The following TTN variants were observed in gnomAD, a reference collection of about 807,000 sequenced individuals.
TTN encodes the protein connectin.
TTN carries 1,525 observed loss-of-function variants against 3,223.0 expected under a neutral mutation model. The ratio of observed to expected loss-of-function variants is 0.47; its 90% CI spans 0.45 to 0.49. The LOEUF is 0.49. Among genes scored for constraint, TTN ranks in the 20% least tolerant of loss-of-function variants. The pLI, the probability that TTN is intolerant of heterozygous loss-of-function variation, is 0.00. For missense variants in TTN, 40,786 were observed against 43,424.0 expected (o/e 0.94, Z 5.40); for synonymous variants, 14,094 against 15,161.0 (o/e 0.93, Z 5.17).
Position 178,794,541 on chromosome 2 carries a change from T to A in TTN, c.1256A>T (p.Asp419Val). ...VATGAKEVKQ[D>V]ADKSAAVATV... Reference sequence around the variant, plus strand: ...CGCAACAGCTGCACTTTTGTCAGCATCTTGTTTCACCTAGATTAGAAATGA... The same window carrying A: ...CGCAACAGCTGCACTTTTGTCAGCAACTTGTTTCACCTAGATTAGAAATGA... The change falls in exon 8 of 363, where the codon GAT becomes GTT. Residue 419 changes from aspartate to valine, a missense_variant. Coordinates refer to ENST00000589042, the MANE Select transcript of TTN (RefSeq NM_001267550.2). 6.2e-7 allele frequency: 1 copy of A among 1,614,234 alleles called. No homozygotes were observed. The highest frequency in any genetic ancestry group is 8.5e-7 in the Non-Finnish European group (1 of 1,180,020).
Position 178,773,256 on chromosome 2 carries a change from T to C in TTN, c.7708A>G (p.Lys2570Glu), listed in dbSNP as rs779361884. 6.2e-6 allele frequency: 10 copies of C among 1,613,968 alleles called. No individual in the cohort carries two copies. The South Asian group carries it at 9.9e-5, about 16-fold the overall frequency. ...GIDVLWNFKD[K>E]EIKPSSKYKI... ...TATTTAGAACTGGGCTTGATTTCCT[T>C]GTCCTTAAAATTCCACAGGACATCA... The change falls in exon 33 of 363, where the codon AAG becomes GAG. Residue 2570 changes from lysine (K) to glutamate (E), a missense_variant. Lys to Glu is a moderately conservative substitution (Grantham distance 56). Transcript: ENST00000589042.
chr2:178,631,188 C>T lies in TTN; in HGVS notation c.43860G>A (p.Lys14620=). ...TGGATGGCTTTATTTCCTTCCCATC[C>T]TTAAACCATTTCACTGGTGCATCTG... The part of the protein sequence containing the change: ...SKADAPVKWF[K]DGKEIKPSKN... Residue 14620 remains lysine, a synonymous_variant, in exon 237 of 363, where the codon AAG becomes AAA. Transcript: ENST00000589042. The T allele has an allele frequency of 6.2e-7, 1 of 1,613,256 alleles. No homozygotes were observed. The highest frequency in any genetic ancestry group is 8.5e-7 in the Non-Finnish European group (1 of 1,179,594).
rs368684128 is a variant in TTN, at chr2:178,720,045, T to A, written c.23597A>T (p.Tyr7866Phe). ...AGCATCGTTTTTGATTTGGCATATATATTTTCCAGAATTAGATGCTTCTGG... is the reference window on the plus strand; with the variant it reads ...AGCATCGTTTTTGATTTGGCATATAAATTTTCCAGAATTAGATGCTTCTGG... ...GSPEASNSGKYICQIKNDAGM... is the reference protein window; with the variant it reads ...GSPEASNSGKFICQIKNDAGM... Residue 7866 changes from tyrosine to phenylalanine, a missense_variant, in exon 81 of 363, where the codon TAT (tyrosine) becomes TTT (phenylalanine). Coordinates refer to ENST00000589042, the MANE Select transcript of TTN (RefSeq NM_001267550.2). 16 of 1,613,420 alleles carry A rather than the reference T, an allele frequency of 9.9e-6. No individual in the cohort carries two copies. The highest frequency in any genetic ancestry group is 1.4e-5 in the Non-Finnish European group (16 of 1,179,650).
Position 178,532,439 on chromosome 2 carries a change from A to T in TTN, c.104176T>A (p.Phe34726Ile). The change falls in exon 358 of 363, where the codon TTC (phenylalanine) becomes ATC (isoleucine). Residue 34726 changes from phenylalanine (F) to isoleucine (I), a missense_variant. Coordinates refer to ENST00000589042, the MANE Select transcript of TTN (RefSeq NM_001267550.2). The stretch of plus-strand genomic sequence containing the variant: ...GGGATGTGATAGGTTGAATACCTGA[A>T]GTCTTTTCTTGTTTCCTCCACCTTG... ...HVKVEETRKDFRYSTYHIPTK... is the reference protein window; with the variant it reads ...HVKVEETRKDIRYSTYHIPTK... 6.2e-7 allele frequency: 1 copy of T among 1,613,994 alleles called. No homozygotes were observed. Among genetic ancestry groups the T allele is most frequent in the Admixed American group, 1.7e-5 (1 of 60,022 alleles).
At chr2:178,745,407 T>A (rs1339850103) in intron 47 of TTN, 9 of 1,434,924 alleles carry the variant, frequency 6.3e-6, no homozygotes, top group Non-Finnish European at 8.2e-6. Flanking sequence ...TAACAAAATA[T>A]TTACATGTAT....
chr2:178,645,848 C>CA, intron 217 of TTN, 72 bp downstream of exon 217: 1 of 930,824 alleles, frequency 1.1e-6, no homozygotes, highest in South Asian at 1.8e-5. Flanking sequence ...ACATTTCTTG[C>CA]AAGCATCATT....
Position 178,560,412 on chromosome 2 carries a change from G to A in TTN, c.85720C>T (p.Pro28574Ser). 1.2e-6 allele frequency: 2 copies of A among 1,613,556 alleles called. No individual in the cohort carries two copies. Among genetic ancestry groups the A allele is most frequent in the Non-Finnish European group, 8.5e-7 (1 of 1,179,780 alleles). ...ATTTCACTACCTCCATCACTCTCGG[G>A]TCTTGACCAGCAAAGTGTCATAGAT... ...KESMTLCWSRPESDGGSEISG... is the reference protein window; with the variant it reads ...KESMTLCWSRSESDGGSEISG... The change falls in exon 326 of 363, where the codon CCC (proline) becomes TCC (serine). Residue 28574 changes from proline to serine, a missense_variant. Pro to Ser is a moderately conservative substitution (Grantham distance 74, BLOSUM62 -1). Coordinates refer to ENST00000589042, the MANE Select transcript of TTN (RefSeq NM_001267550.2).
Position 178,704,574 on chromosome 2 carries a change from T to C in TTN, c.29898A>G (p.Lys9966=). The C allele has an allele frequency of 6.2e-7, 1 of 1,613,666 alleles. No individual in the cohort carries two copies. Among genetic ancestry groups the C allele is most frequent in the Non-Finnish European group, 8.5e-7 (1 of 1,179,702 alleles). ...HTLRVKNCQL[K]DQGNYRLVCG... is the part of the protein sequence containing the mutation. ...AAACCAATCGATAATTGCCCTGGTC[T>C]TTAAGTTGACAGTTTTTGACTCTGA... The change falls in exon 105 of 363, where the codon AAA becomes AAG. Residue 9966 remains lysine, a synonymous_variant. Coordinates refer to ENST00000589042, the MANE Select transcript of TTN (RefSeq NM_001267550.2).
chr2:178,573,299 G>A lies in TTN; in HGVS notation c.72833C>T (p.Thr24278Ile). ...RWIKCNKKTL[T>I]DLRYKVSGLT... ...TCCAGACACTTTATATCTTAAATCA[G>A]TAAGAGTTTTTTTGTTGCATTTAAT... The change falls in exon 326 of 363, where the codon ACT (threonine) becomes ATT (isoleucine). Residue 24278 changes from threonine (T) to isoleucine (I), a missense_variant. Thr to Ile is a moderately conservative substitution (Grantham distance 89). Transcript: ENST00000589042. The A allele has an allele frequency of 6.3e-7, 1 of 1,582,622 alleles. No individual in the cohort carries two copies. The highest frequency in any genetic ancestry group is 8.6e-7 in the Non-Finnish European group (1 of 1,164,180).
In TTN at chr2:178,570,786, T is replaced by G. The variant is rs900765170; in HGVS notation, c.75346A>C (p.Lys25116Gln). The G allele has an allele frequency of 1.2e-6, 2 of 1,613,484 alleles. No individual in the cohort carries two copies. The highest frequency in any genetic ancestry group is 2.7e-5 in the African/African-American group (2 of 74,882). Residue 25116 changes from lysine (K) to glutamine (Q), a missense_variant, in exon 326 of 363, where the codon AAA becomes CAA. Coordinates refer to ENST00000589042, the MANE Select transcript of TTN (RefSeq NM_001267550.2). ...VDPPRISMDP[K>Q]YKDTIVVHAG... ...TGAACCACGATTGTGTCTTTGTATT[T>G]TGGATCCATACTTATTCGTGGTGGA...
Position 178,542,949 on chromosome 2 carries a change from A to T in TTN, c.96905T>A (p.Val32302Glu), listed in dbSNP as rs775682017. The T allele has an allele frequency of 1.9e-6, 3 of 1,582,318 alleles. No individual in the cohort carries two copies. In the African/African-American group the frequency reaches 4.1e-5, roughly 21 times the overall value. Residue 32302 changes from valine to glutamate, a missense_variant and splice_region_variant, in exon 348 of 363, where the codon GTG (valine) becomes GAG (glutamate). Transcript: ENST00000589042. ...TGTAGAAAGATCGATTGTTGGCAACACTATGGGAAAGAAATCAGGCATTTA... is the reference window on the plus strand; with the variant it reads ...TGTAGAAAGATCGATTGTTGGCAACTCTATGGGAAAGAAATCAGGCATTTA... Reference protein sequence around the residue: ...VTAVTVQDLRVLPTIDLSTMP... With the variant: ...VTAVTVQDLRELPTIDLSTMP...
rs2052662873 is a variant in TTN at position 178,599,357 on chromosome 2, A to G, written c.56436T>C (p.Asp18812=). ...CATAGTTTGTAATCTTAGACCCACCATCATCTTTAGGTGGAAACCAAGATA... is the reference window on the plus strand; with the variant it reads ...CATAGTTTGTAATCTTAGACCCACCGTCATCTTTAGGTGGAAACCAAGATA... The part of the protein sequence containing the change: ...MTLSWFPPKD[D]GGSKITNYVI... The change falls in exon 290 of 363, where the codon GAT becomes GAC. Residue 18812 remains aspartate, a synonymous_variant. Coordinates refer to ENST00000589042, the MANE Select transcript of TTN (RefSeq NM_001267550.2). 6.2e-7 allele frequency: 1 copy of G among 1,605,602 alleles called. No individual in the cohort carries two copies. The highest frequency in any genetic ancestry group is 8.5e-7 in the Non-Finnish European group (1 of 1,177,188).
Position 178,582,204 on chromosome 2 carries a change from T to G in TTN, c.66165A>C (p.Pro22055=). ...EPAIAKNPYD[P]PGRCDPPVIS... is the part of the protein sequence containing the mutation. Reference sequence around the variant, plus strand: ...TAACAGGAGGATCACAGCGTCCTGGTGGGTCTGCAGAAATTGATTGAAAAG... The same window carrying G: ...TAACAGGAGGATCACAGCGTCCTGGGGGGTCTGCAGAAATTGATTGAAAAG... The change falls in exon 315 of 363, where the codon CCA becomes CCC. Residue 22055 remains proline (P), a synonymous_variant. Coordinates refer to ENST00000589042, the MANE Select transcript of TTN (RefSeq NM_001267550.2). 1.9e-6 allele frequency: 3 copies of G among 1,603,590 alleles called. No individual in the cohort carries two copies. Among genetic ancestry groups the G allele is most frequent in the Non-Finnish European group, 2.5e-6 (3 of 1,177,266 alleles).
At chr2:178,677,323 C>T (rs2068286923) in intron 146 of TTN, 36 bp from the exon 147 acceptor site, 8 of 742,408 alleles carry the variant, frequency 1.1e-5, no homozygotes, top group Non-Finnish European at 1.3e-5. Context: ...TTAAAAACCA[C>T]ATATACATGG....
chr2:178,783,173 T>C (rs1363402407), intron 17 of TTN, 109 bp from the exon 18 acceptor site: 2 of 1,279,658 alleles, frequency 1.6e-6, no homozygotes, highest in African/African-American at 3.0e-5. Context: ...TGCCACAAAA[T>C]GGCCTTTTAA....
rs541322681 is a variant in TTN, at chr2:178,527,092, C to T, written c.107896G>A (p.Gly35966Ser). 2 of 1,613,930 alleles carry T rather than the reference C, an allele frequency of 1.2e-6. No homozygotes were observed. Among genetic ancestry groups the T allele is most frequent in the Admixed American group, 1.7e-5 (1 of 60,022 alleles). ...CCTAAACTCAGGGTATAAAGTCCAC[C>T]ATCTTGTTTCTGTACGTCCATGATG... The part of the protein sequence containing the change: ...LIIMDVQKQD[G>S]GLYTLSLGNE... Residue 35966 changes from glycine (G) to serine (S), a missense_variant, in exon 363 of 363, where the codon GGT becomes AGT. Coordinates refer to ENST00000589042, the MANE Select transcript of TTN (RefSeq NM_001267550.2).
chr2:178,751,264 T>C, intron 47 of TTN: 1 of 1,609,022 alleles, frequency 6.2e-7, no homozygotes, highest in Non-Finnish European at 8.5e-7. Context: ...TTTTCTCCAT[T>C]AATGTTTTTC....
chr2:178,614,946 C>T lies in TTN; in HGVS notation c.48661G>A (p.Glu16221Lys). The T allele has an allele frequency of 1.3e-6, 2 of 1,597,658 alleles. No individual in the cohort carries two copies. Among genetic ancestry groups the T allele is most frequent in the African/African-American group, 2.7e-5 (2 of 74,756 alleles). The change falls in exon 260 of 363, where the codon GAA becomes AAA. Residue 16221 changes from glutamate (E) to lysine (K), a missense_variant. By Grantham distance (56) the Glu-to-Lys change is moderately conservative (BLOSUM62 1). Transcript: ENST00000589042. Reference protein sequence around the residue: ...ETKMEVTGLEEGKWYAYRVKA... With the variant: ...ETKMEVTGLEKGKWYAYRVKA... ...ACGCGGTAGGCATACCATTTGCCTT[C>T]CTCAAGACCTGTCACTTCCATTCTG...
Position 178,557,764 on chromosome 2 carries a change from A to G in TTN, c.87590T>C (p.Met29197Thr). 6.2e-7 allele frequency: 1 copy of G among 1,613,858 alleles called. No homozygotes were observed. The highest frequency in any genetic ancestry group is 1.1e-5 in the South Asian group (1 of 91,064). The stretch of plus-strand genomic sequence containing the variant: ...TCCTGTGGTCAGTTTCATGACTTTC[A>G]TCATGGTTCTTGCAACTGTTGCAGA... ...EVSATVARTM[M>T]KVMKLTTGEE... Residue 29197 changes from methionine (M) to threonine (T), a missense_variant, in exon 328 of 363, where the codon ATG becomes ACG. Coordinates refer to ENST00000589042, the MANE Select transcript of TTN (RefSeq NM_001267550.2).
Sources: gnomAD v4.1 joint callset for allele counts on GRCh38, gnomAD v4.1.1 for gene constraint, MANE v1.5 for transcripts, NCBI Gene and HGNC (gene_info 2026-07-23, HGNC 2026-07-21) for gene names.